MELTF: variants seen among roughly 807,000 people sequenced by gnomAD.
MELTF encodes melanotransferrin.
A neutral mutation model predicts 83.7 loss-of-function variants in MELTF; 67 were observed. That is an observed-to-expected ratio of 0.80 (90% CI 0.66 to 0.98). The LOEUF (loss-of-function observed/expected upper bound fraction) is 0.98. Ranked by LOEUF, MELTF falls within the 50% of genes least tolerant of loss-of-function variation. MELTF has a pLI of 0.00. For missense variants in MELTF, 1,002 were observed against 1,035.6 expected (o/e 0.97, Z 0.44); for synonymous variants, 462 against 447.6 (o/e 1.03, Z -0.41).
chr3:197,011,090 G>A lies in MELTF; in HGVS notation c.1234-296C>T, dbSNP rs9871013. Among the ~76,000 whole-genome samples, 3,946 of 152,294 alleles carry A rather than the reference G, an allele frequency of 0.026. 151 individuals carry two copies. Among genetic ancestry groups the A allele is most frequent in the African/African-American group, 0.088 (3,672 of 41,534 alleles). ...TCCCTGCTCTGAGCAAAGCAAGCGC[G>A]ATCCCTACCCTCATGCTTGGCGTGG... is the stretch of plus-strand genomic sequence containing the variant. On this transcript the variant is annotated intron_variant, in intron 9 of 15. Transcript: ENST00000296350. This position sits in a 1 kb window ranked among gnomAD's most constrained non-coding sequence, Gnocchi z 4.2.
rs776696127 is a variant in MELTF at position 197,010,738 on chromosome 3, C to T, written c.1290G>A (p.Lys430=). 16 of 1,613,578 alleles carry T rather than the reference C, an allele frequency of 9.9e-6. No homozygotes were observed. The Admixed American group carries it at 2.7e-4, about 27-fold the overall frequency. The change falls in exon 10 of 16, where the codon AAG becomes AAA. Residue 430 remains lysine, a synonymous_variant. Coordinates refer to ENST00000296350, the MANE Select transcript of MELTF (RefSeq NM_005929.6). ...LSGEDIYTAG[K]TYGLVPAAGE... is the part of the protein sequence containing the mutation. ...CGGCTGCGGGAACCAGGCCGTACGT[C>T]TTCCCCGCCGTGTAAATGTCCTCGC... is the stretch of plus-strand genomic sequence containing the variant.
At position 197,002,074 on chromosome 3, in the gene MELTF, G is replaced by C. The variant is rs902772064; in HGVS notation, c.*1298C>G. 3.9e-5 allele frequency: 6 copies of C among 152,290 alleles called. No individual in the cohort carries two copies. Among genetic ancestry groups the C allele is most frequent in the African/African-American group, 1.4e-4 (6 of 41,458 alleles). The allele number at this position is 152,290 out of a possible 1,614,324, so 9.4% of individuals were successfully genotyped here. A position where few individuals can be genotyped will look rare whatever the true frequency, so the allele number is the denominator to read the frequency against. On this transcript the variant is annotated 3_prime_UTR_variant, in exon 16 of 16. Coordinates refer to ENST00000296350, the MANE Select transcript of MELTF (RefSeq NM_005929.6). ...CCAGGTCCTTGTGGCCCCTCCCGGT[G>C]GGGTGAAGGTGCCCGGGACTCCTCG... is the stretch of plus-strand genomic sequence containing the variant.
intron 14 of MELTF, among the ~76,000 whole-genome samples, chr3:197,005,943 G>A (rs771691163): frequency 6.8e-6 from 1 of 146,878 alleles, no homozygotes; most frequent in East Asian, 2.0e-4. Context: ...AGGATTGGCC[G>A]GGCACAGTGG....
chr3:197,014,751 A>AT (rs573359791), intron 9 of MELTF, among the ~76,000 whole-genome samples: 14 of 152,200 alleles, frequency 9.2e-5, no homozygotes, highest in Admixed American at 3.3e-4. Flanking sequence ...AGAGTTAACA[A>AT]TAATACATAG....
At chr3:197,016,480 C>A in intron 7 of MELTF, 111 bp from the exon 8 acceptor site, 1 of 963,930 alleles carries the variant, frequency 1.0e-6, no homozygotes, top group Non-Finnish European at 1.5e-6. Context: ...CAGGCACCCA[C>A]CCTGAGGGCC....
chr3:197,019,734 C>T (rs919647340), intron 6 of MELTF: 3 of 1,611,768 alleles, frequency 1.9e-6, no homozygotes, highest in Admixed American at 1.7e-5. Flanking sequence ...TACGTGCTTC[C>T]TCGTGTGCAG....
At position 197,003,519 on chromosome 3, in the gene MELTF, TGGGGTG is replaced by T. The variant is rs3217370; in HGVS notation, c.2138-74_2138-69del. 46 of 163,144 alleles carry T rather than the reference TGGGGTG, an allele frequency of 2.8e-4. 3 individuals are homozygous for T. The highest frequency in any genetic ancestry group is 3.8e-4 in the Non-Finnish European group (38 of 99,190). 10.1% of individuals were successfully genotyped at this position (163,144 alleles called of 1,614,324 possible). A position where few individuals can be genotyped will look rare whatever the true frequency, so the allele number is the denominator to read the frequency against. ...CGGTGGCCGCCTCAGGCGCCCGCTC[TGGGGTG>T]GGGGTGGGGGCATCTTTCGGGACCG... On this transcript the variant is annotated intron_variant, in intron 15 of 15. Coordinates refer to ENST00000296350, the MANE Select transcript of MELTF (RefSeq NM_005929.6). This position sits in a 1 kb window ranked among gnomAD's most constrained non-coding sequence, Gnocchi z 6.2.
intron 6 of MELTF, among the ~76,000 whole-genome samples, chr3:197,020,001 G>T (rs1719557954): frequency 6.6e-6 from 1 of 152,182 alleles, no homozygotes; most frequent in African/African-American, 2.4e-5. Flanking sequence ...GATCTCGATT[G>T]TGGTGGTGGT....
rs1034252452 is a variant in MELTF, at chr3:197,002,572, C to T, written c.*800G>A. The T allele has an allele frequency of 3.9e-5, 6 of 152,224 alleles. No individual in the cohort carries two copies. Among genetic ancestry groups the T allele is most frequent in the African/African-American group, 1.4e-4 (6 of 41,452 alleles). 9.4% of individuals were successfully genotyped at this position (152,224 alleles called of 1,614,324 possible). ...CTTCAGGGGCCTCGGGAGCCCGCGG[C>T]CTGGGTCACCTCCGGCTCCCTTCAG... On this transcript the variant is annotated 3_prime_UTR_variant, in exon 16 of 16. Transcript: ENST00000296350.
At chr3:197,013,349 C>G (rs926905967) in intron 9 of MELTF, among the ~76,000 whole-genome samples, 3 of 152,186 alleles carry the variant, frequency 2.0e-5, no homozygotes, top group African/African-American at 7.2e-5. Flanking sequence ...TAAACTACCC[C>G]TCACCCAGCA....
In MELTF at chr3:197,024,238, C is replaced by T. The variant is rs370049278; in HGVS notation, c.487+65G>A. 77 of 1,483,040 alleles carry T rather than the reference C, an allele frequency of 5.2e-5. No homozygotes were observed. The East Asian group carries it at 6.2e-4, about 12-fold the overall frequency. 91.9% of individuals were successfully genotyped at this position (1,483,040 alleles called of 1,614,324 possible). On this transcript the variant is annotated intron_variant, in intron 4 of 15. Transcript: ENST00000296350. This position sits in a 1 kb window ranked among gnomAD's most constrained non-coding sequence, Gnocchi z 5.3. ...GGAGGGAGGCTACCCAGTGAAGGGA[C>T]GAGCATGGGCCAAGGAAAGGAGGGG...
rs192745214 is a variant in MELTF at position 197,007,024 on chromosome 3, C to T, written c.1751-288G>A. ...TTGCTTGATCCCCACAACAGTAACG[C>T]AGGGTAGGTGTTTTTGTCCCCATTT... On this transcript the variant is annotated intron_variant, in intron 13 of 15. Transcript: ENST00000296350. The surrounding 1 kb of genome is among the most constrained non-coding windows in gnomAD (Gnocchi z 4.3). Among the ~76,000 whole-genome samples, 118 of 152,276 alleles carry T rather than the reference C, an allele frequency of 7.7e-4. No homozygotes were observed. Among genetic ancestry groups the T allele is most frequent in the Middle Eastern group, 3.4e-3 (1 of 294 alleles).
chr3:197,027,081 C>T (rs1719887080), intron 2 of MELTF: 1 of 338,156 alleles, frequency 3.0e-6, no homozygotes, highest in Admixed American at 4.0e-5. Flanking sequence ...TCCCTCCACC[C>T]TGCGCCTCTA....
chr3:197,026,389 G>T (rs183734257), intron 3 of MELTF: 1 of 456,428 alleles, frequency 2.2e-6, no homozygotes, highest in East Asian at 3.6e-5. Flanking sequence ...CGCCAGGCCC[G>T]GGACAGCCCG....
In MELTF at chr3:197,006,682, A is replaced by T. The variant is rs1360606441; in HGVS notation, c.1805T>A (p.Leu602Gln). 6.3e-7 allele frequency: 1 copy of T among 1,587,026 alleles called. No homozygotes were observed. The highest frequency in any genetic ancestry group is 8.6e-7 in the Non-Finnish European group (1 of 1,167,104). Residue 602 changes from leucine to glutamine, a missense_variant, in exon 14 of 16, where the codon CTG becomes CAG. By Grantham distance (113) the Leu-to-Gln change is moderately radical. Transcript: ENST00000296350. The surrounding 1 kb of genome is among the most constrained non-coding windows in gnomAD (Gnocchi z 5.4). Reference protein sequence around the residue: ...AELRSEDYELLCPNGARAEVS... With the variant: ...AELRSEDYELQCPNGARAEVS... The stretch of plus-strand genomic sequence containing the variant: ...CTCGGCTCGGGCCCCGTTGGGGCAC[A>T]GCAGTTCATAGTCCTCTGACCTGAG...
At chr3:197,016,650 C>G (rs1719389096) in intron 7 of MELTF, among the ~76,000 whole-genome samples, 1 of 152,228 alleles carries the variant, frequency 6.6e-6, no homozygotes, top group South Asian at 2.1e-4. Context: ...TGAGGACACG[C>G]CGTGGGGCTG....
At chr3:197,027,648 G>A (rs2276789) in intron 2 of MELTF, 108 bp downstream of exon 2, 303,390 of 1,338,828 alleles carry the variant, frequency 0.23, 38,494 homozygotes, top group African/African-American at 0.51. Flanking sequence ...CCTATCGGCC[G>A]GGCCTGGCAG....
rs1202971281 is a variant in MELTF at position 197,010,599 on chromosome 3, GC to G, written c.1330+98del. The G allele has an allele frequency of 4.0e-6, 4 of 990,378 alleles. No individual in the cohort carries two copies. In the African/African-American group the frequency reaches 4.8e-5, roughly 12 times the overall value. 61.3% of individuals were successfully genotyped at this position (990,378 alleles called of 1,614,324 possible). Reference sequence around the variant, plus strand: ...GGCAGCCACTATCCCCAGGAGAGAGGCATGGAGCTTTTGAAAATGGCTGAGG... The same window carrying G: ...GGCAGCCACTATCCCCAGGAGAGAGGATGGAGCTTTTGAAAATGGCTGAGG... On this transcript the variant is annotated intron_variant, in intron 10 of 15. Coordinates refer to ENST00000296350, the MANE Select transcript of MELTF (RefSeq NM_005929.6).
rs985682531 is a variant in MELTF at position 197,029,418 on chromosome 3, G to A, written c.49+236C>T. On this transcript the variant is annotated intron_variant, in intron 1 of 15. Coordinates refer to ENST00000296350, the MANE Select transcript of MELTF (RefSeq NM_005929.6). This position sits in a 1 kb window ranked among gnomAD's most constrained non-coding sequence, Gnocchi z 6.5. ...CTCAGCCCGCGCTTCTCCTTGGAGC[G>A]TCGGAAGCCTCGGGTGTTCGAGGCC... is the stretch of plus-strand genomic sequence containing the variant. 55 of 387,052 alleles carry A rather than the reference G, an allele frequency of 1.4e-4. No individual in the cohort carries two copies. The highest frequency in any genetic ancestry group is 1.0e-3 in the African/African-American group (49 of 48,122). 24.0% of individuals were successfully genotyped at this position (387,052 alleles called of 1,614,324 possible).
Sources: gnomAD v4.1 joint callset for allele counts (sites outside exome capture counted in the v4.1 genomes callset) on GRCh38, gnomAD v4.1.1 for gene constraint, Gnocchi (gnomAD v3.1) non-coding constraint, MANE v1.5 for transcripts, NCBI Gene and HGNC (gene_info 2026-07-23, HGNC 2026-07-21) for gene names.